The following KCNH5 variants were observed in gnomAD, a reference collection of about 807,000 sequenced individuals.
KCNH5 encodes the protein voltage-gated delayed rectifier potassium channel KCNH5.
KCNH5 carries 46 observed loss-of-function variants against 96.1 expected under a neutral mutation model. The ratio of observed to expected loss-of-function variants is 0.48; its 90% CI spans 0.38 to 0.61. The LOEUF (loss-of-function observed/expected upper bound fraction) is 0.61, where lower values mean the gene tolerates loss of function less well. Ranked by LOEUF, KCNH5 falls within the 20% of genes least tolerant of loss-of-function variation. The pLI is 0.00. For synonymous variants in KCNH5, 439 were observed against 449.8 expected (o/e 0.98, Z 0.30); for missense variants, 907 against 1,225.8 (o/e 0.74, Z 3.88).
At chr14:63,022,369 A>T (rs1195898916) in intron 1 of KCNH5, among the ~76,000 whole-genome samples, 1 of 152,162 alleles carries the variant, frequency 6.6e-6, no homozygotes, top group Non-Finnish European at 1.5e-5. Context: ...TAGACTACTC[A>T]GGTAACTGTC....
chr14:62,968,150 C>T (rs1890337773), intron 6 of KCNH5, among the ~76,000 whole-genome samples: 2 of 152,154 alleles, frequency 1.3e-5, no homozygotes, highest in Non-Finnish European at 2.9e-5. Context: ...ACATTCTCTA[C>T]CAATGCCCAC....
At chr14:63,002,772 C>T (rs1423077910) in intron 3 of KCNH5, among the ~76,000 whole-genome samples, 2 of 152,200 alleles carry the variant, frequency 1.3e-5, no homozygotes, top group Admixed American at 6.5e-5. Flanking sequence ...TCAGCTGTGA[C>T]AATCAGGTTT....
At chr14:62,976,285 C>G (rs1890497507) in intron 6 of KCNH5, among the ~76,000 whole-genome samples, 1 of 151,742 alleles carries the variant, frequency 6.6e-6, no homozygotes, top group Non-Finnish European at 1.5e-5. Flanking sequence ...CGCCTGTAGT[C>G]CCAGCTACTC....
chr14:62,921,460 G>A (rs1364614235), intron 7 of KCNH5, among the ~76,000 whole-genome samples: 1 of 152,088 alleles, frequency 6.6e-6, no homozygotes, highest in Non-Finnish European at 1.5e-5. Context: ...GCCAAGTAAA[G>A]GGAAGAAAAT....
intron 7 of KCNH5, among the ~76,000 whole-genome samples, chr14:62,941,990 CT>C (rs1364649736): frequency 6.6e-6 from 1 of 152,174 alleles, no homozygotes; most frequent in African/African-American, 2.4e-5. Flanking sequence ...AAAAACACTT[CT>C]CTTTCCAAAA....
At chr14:62,741,156 C>A (rs1885263116) in intron 10 of KCNH5, among the ~76,000 whole-genome samples, 2 of 152,094 alleles carry the variant, frequency 1.3e-5, no homozygotes, top group African/African-American at 4.8e-5. Flanking sequence ...AACAAACAAG[C>A]ATACTGATAA....
intron 10 of KCNH5, among the ~76,000 whole-genome samples, chr14:62,721,447 A>C (rs948869390): frequency 6.6e-6 from 1 of 151,434 alleles, no homozygotes; most frequent in Non-Finnish European, 1.5e-5. Context: ...GTCTGATTTA[A>C]TCTTTTGCTT....
At chr14:62,863,438 G>A (rs1006038517) in intron 7 of KCNH5, among the ~76,000 whole-genome samples, 6 of 152,134 alleles carry the variant, frequency 3.9e-5, no homozygotes, top group African/African-American at 9.7e-5. Flanking sequence ...ATCACAAGGT[G>A]AAAATTATCT....
chr14:62,908,403 A>C (rs1012186052), intron 7 of KCNH5, among the ~76,000 whole-genome samples: 1 of 152,188 alleles, frequency 6.6e-6, no homozygotes, highest in Admixed American at 6.5e-5. Flanking sequence ...TAACACAAAA[A>C]GAGCCTCCCT....
At chr14:63,038,747 T>C (rs866820114) in intron 1 of KCNH5, among the ~76,000 whole-genome samples, 1 of 152,074 alleles carries the variant, frequency 6.6e-6, no homozygotes, top group African/African-American at 2.4e-5. Context: ...ACTGCCTCCA[T>C]TTGATCAAAT....
chr14:62,884,427 C>T (rs1274238595), intron 7 of KCNH5, among the ~76,000 whole-genome samples: 2 of 152,182 alleles, frequency 1.3e-5, no homozygotes, highest in Admixed American at 6.5e-5. Flanking sequence ...GAGTTCACGA[C>T]CAGCCCTGGG....
In KCNH5 at chr14:62,977,751, T is replaced by C. The variant is rs544580075; in HGVS notation, c.942+3121A>G. ...GATATGCCACATCCCACTTGATCAATTGAGGTCCTGTAAGGAGTAGATGCC... is the reference window on the plus strand; with the variant it reads ...GATATGCCACATCCCACTTGATCAACTGAGGTCCTGTAAGGAGTAGATGCC... On this transcript the variant is annotated intron_variant, in intron 6 of 10. Transcript: ENST00000322893. 8.5e-5 allele frequency among the ~76,000 whole-genome samples: 13 copies of C among 152,256 alleles called. 1 individual carries two copies. The South Asian group carries it at 2.5e-3, about 29-fold the overall frequency.
intron 10 of KCNH5, among the ~76,000 whole-genome samples, chr14:62,734,807 T>C (rs909050267): frequency 2.0e-5 from 3 of 152,174 alleles, no homozygotes; most frequent in African/African-American, 4.8e-5. Flanking sequence ...ACTTGAATCA[T>C]AGCCAAAACT....
intron 2 of KCNH5, among the ~76,000 whole-genome samples, chr14:63,015,078 C>T (rs1017051439): frequency 6.6e-6 from 1 of 151,996 alleles, no homozygotes; most frequent in African/African-American, 2.4e-5. Flanking sequence ...AATTTCCATA[C>T]CTAGGAATGA....
At chr14:62,929,550 T>C (rs561588991) in intron 7 of KCNH5, among the ~76,000 whole-genome samples, 65 of 152,214 alleles carry the variant, frequency 4.3e-4, no homozygotes, top group Non-Finnish European at 7.9e-4. Flanking sequence ...TGCACTATTT[T>C]CTCCCTTCCT....
chr14:62,999,534 T>TA (rs1890972340), intron 4 of KCNH5, among the ~76,000 whole-genome samples: 2 of 151,820 alleles, frequency 1.3e-5, no homozygotes, highest in Non-Finnish European at 2.9e-5. Flanking sequence ...TATGCAGCCA[T>TA]AAAAAATGAT....
At chr14:63,003,720 T>G (rs1032220925) in intron 3 of KCNH5, among the ~76,000 whole-genome samples, 2 of 147,646 alleles carry the variant, frequency 1.4e-5, no homozygotes, top group Non-Finnish European at 3.0e-5. Flanking sequence ...CCTGGGTTCA[T>G]GCCATTCTCC....
chr14:62,831,138 C>T (rs1887339836), intron 8 of KCNH5, among the ~76,000 whole-genome samples: 1 of 152,130 alleles, frequency 6.6e-6, no homozygotes, highest in African/African-American at 2.4e-5. Flanking sequence ...TGCTAGTGAA[C>T]CCTGGTGGCT....
At chr14:62,756,695 G>A (rs1475395028) in intron 10 of KCNH5, among the ~76,000 whole-genome samples, 1 of 152,156 alleles carries the variant, frequency 6.6e-6, no homozygotes, top group Non-Finnish European at 1.5e-5. Context: ...AACATACAAT[G>A]AGGAAAAGAC....
Sources: allele counts gnomAD v4.1 joint callset (sites outside exome capture counted in the v4.1 genomes callset), GRCh38; gene constraint gnomAD v4.1.1; transcripts MANE v1.5; gene names NCBI Gene and HGNC (gene_info 2026-07-23, HGNC 2026-07-21).